ANKFY1: variants seen among roughly 807,000 people sequenced by gnomAD.
The protein encoded by ANKFY1 is ankyrin repeat and FYVE domain containing 1, also known as ankyrin repeat and FYVE domain-containing protein 1.
In ANKFY1, 47 loss-of-function variants were observed where a neutral mutation model predicts 128.3. The ratio of observed to expected loss-of-function variants is 0.37; its 90% CI spans 0.29 to 0.47. The LOEUF (loss-of-function observed/expected upper bound fraction) is 0.47. Ranked by LOEUF, ANKFY1 falls within the 20% of genes least tolerant of loss-of-function variation. ANKFY1 has a pLI of 1.00. For synonymous variants in ANKFY1, 553 were observed against 601.6 expected (o/e 0.92, Z 1.18); for missense variants, 1,222 against 1,510.6 (o/e 0.81, Z 3.17).
chr17:4,195,542 C>G, intron 8 of ANKFY1, 71 bp from the exon 9 acceptor site: 2 of 1,173,650 alleles, frequency 1.7e-6, no homozygotes, highest in Non-Finnish European at 2.5e-6. Context: ...CAAGACGCAA[C>G]CAGAATCCCA....
chr17:4,171,797 T>G (rs2059325238), intron 22 of ANKFY1, among the ~76,000 whole-genome samples: 1 of 152,234 alleles, frequency 6.6e-6, no homozygotes, highest in Admixed American at 6.5e-5. Flanking sequence ...ATAAAATATG[T>G]GGTCCCATGT....
Position 4,170,876 on chromosome 17 carries a change from C to T in ANKFY1, c.3140-15G>A. The T allele has an allele frequency of 6.2e-7, 1 of 1,614,174 alleles. No homozygotes were observed. The highest frequency in any genetic ancestry group is 8.5e-7 in the Non-Finnish European group (1 of 1,180,020). On this transcript the variant is annotated splice_polypyrimidine_tract_variant and intron_variant, in intron 22 of 24. Coordinates refer to ENST00000341657, the MANE Select transcript of ANKFY1 (RefSeq NM_001330063.2). The stretch of plus-strand genomic sequence containing the variant: ...CAGGAGCAGCACTGGAAAACAAAAG[C>T]ACGCGCAGGGCTACTTCCCACCCGG...
chr17:4,220,561 ACT>A (rs1230758093), intron 3 of ANKFY1, among the ~76,000 whole-genome samples: 1 of 152,154 alleles, frequency 6.6e-6, no homozygotes, highest in Non-Finnish European at 1.5e-5. Context: ...TTATCAAAAA[ACT>A]TTTTTAAACT....
At chr17:4,187,365 G>T in intron 11 of ANKFY1, 1 of 398,272 alleles carries the variant, frequency 2.5e-6, no homozygotes, top group East Asian at 3.6e-5. Context: ...CTCCCACTTG[G>T]CTCCAGCCTG....
Position 4,252,926 on chromosome 17 carries a change from G to A in ANKFY1, c.11-10478C>T, listed in dbSNP as rs539371083. Reference sequence around the variant, plus strand: ...TCAAAAGCAATATGCTACGTGAAAGGAGCCAGGCAAAAAAGACTACATACT... The same window carrying A: ...TCAAAAGCAATATGCTACGTGAAAGAAGCCAGGCAAAAAAGACTACATACT... On this transcript the variant is annotated intron_variant, in intron 1 of 24. Transcript: ENST00000341657. Among the ~76,000 whole-genome samples the A allele has an allele frequency of 5.3e-4, 81 of 152,210 alleles. 1 individual carries two copies. The highest frequency in any genetic ancestry group is 1.5e-5 in the Non-Finnish European group (1 of 67,992).
chr17:4,245,805 T>C (rs1050318398), intron 1 of ANKFY1, among the ~76,000 whole-genome samples: 3 of 150,060 alleles, frequency 2.0e-5, no homozygotes, highest in African/African-American at 7.4e-5. Context: ...TCCCAGCACT[T>C]TGGGAGGCTG....
At chr17:4,204,294 C>T (rs188747017) in intron 7 of ANKFY1, among the ~76,000 whole-genome samples, 10 of 152,316 alleles carry the variant, frequency 6.6e-5, no homozygotes, top group African/African-American at 2.2e-4. Context: ...CTAACATTGC[C>T]TCGCATTCTC....
rs147898917 is a variant in ANKFY1 at position 4,257,013 on chromosome 17, T to C, written c.10+6919A>G. On this transcript the variant is annotated intron_variant, in intron 1 of 24. Transcript: ENST00000341657. ...CACTTCCAACTTAGACATCACCACATAGAAGTATACTGGGCAAAGCAAATA... is the reference window on the plus strand; with the variant it reads ...CACTTCCAACTTAGACATCACCACACAGAAGTATACTGGGCAAAGCAAATA... Among the ~76,000 whole-genome samples, 131 of 152,270 alleles carry C rather than the reference T, an allele frequency of 8.6e-4. 3 individuals carry two copies. In the East Asian group the frequency reaches 0.018, roughly 21 times the overall value.
chr17:4,199,553 G>A (rs1476106318), intron 7 of ANKFY1, among the ~76,000 whole-genome samples: 1 of 152,076 alleles, frequency 6.6e-6, no homozygotes, highest in East Asian at 1.9e-4. Context: ...CTGTAGGAGT[G>A]AAAAAAACTA....
chr17:4,170,878 C>A lies in ANKFY1; in HGVS notation c.3140-17G>T. ...GGAGCAGCACTGGAAAACAAAAGCA[C>A]GCGCAGGGCTACTTCCCACCCGGCC... On this transcript the variant is annotated splice_polypyrimidine_tract_variant and intron_variant, in intron 22 of 24. Coordinates refer to ENST00000341657, the MANE Select transcript of ANKFY1 (RefSeq NM_001330063.2). The A allele has an allele frequency of 6.2e-7, 1 of 1,614,144 alleles. No homozygotes were observed. Among genetic ancestry groups the A allele is most frequent in the Non-Finnish European group, 8.5e-7 (1 of 1,180,018 alleles).
rs138184268 is a variant in ANKFY1, at chr17:4,254,685, C to A, written c.10+9247G>T. Among the ~76,000 whole-genome samples, 381 of 152,274 alleles carry A rather than the reference C, an allele frequency of 2.5e-3. 1 individual carries two copies. The highest frequency in any genetic ancestry group is 6.8e-3 in the Middle Eastern group (2 of 294). The stretch of plus-strand genomic sequence containing the variant: ...CACCTATACTTACAAACAAAAAATT[C>A]TGTATAGTAAAAGATTTTAATGCCC... On this transcript the variant is annotated intron_variant, in intron 1 of 24. Coordinates refer to ENST00000341657, the MANE Select transcript of ANKFY1 (RefSeq NM_001330063.2).
chr17:4,253,804 G>C (rs950938491), intron 1 of ANKFY1, among the ~76,000 whole-genome samples: 2 of 152,124 alleles, frequency 1.3e-5, no homozygotes, highest in Admixed American at 1.3e-4. Context: ...ACTGCACACA[G>C]AGGAATTTCA....
chr17:4,241,397 A>G (rs1967213651), intron 2 of ANKFY1, among the ~76,000 whole-genome samples: 1 of 148,708 alleles, frequency 6.7e-6, no homozygotes, highest in Non-Finnish European at 1.5e-5. Flanking sequence ...CTCCTGCCTC[A>G]GCCTCCCGAG....
In ANKFY1 at chr17:4,223,889, C is replaced by CT. The variant is rs746057060; in HGVS notation, c.323-6772dup. ...GGTGCCTGTCATGGATGCTTTGTAT[C>CT]TAACACCACGCCAACAGAAGCACAT... On this transcript the variant is annotated intron_variant, in intron 3 of 24. Transcript: ENST00000341657. 1.8e-4 allele frequency: 128 copies of CT among 712,926 alleles called. 1 individual carries two copies. The highest frequency in any genetic ancestry group is 2.9e-4 in the Non-Finnish European group (123 of 426,158). The allele number at this position is 712,926 out of a possible 1,614,324, so 44.2% of individuals were successfully genotyped here.
rs1197515464 is a variant in ANKFY1 at position 4,258,320 on chromosome 17, T to A, written c.10+5612A>T. On this transcript the variant is annotated intron_variant, in intron 1 of 24. Transcript: ENST00000341657. ...GCGGGCGGATCACGAGGTCAGGAGA[T>A]CAAGACCATCCTTGCTAACACGGTG... Among the ~76,000 whole-genome samples the A allele has an allele frequency of 2.0e-5, 3 of 152,124 alleles. No homozygotes were observed. In the East Asian group the frequency reaches 5.8e-4, roughly 29 times the overall value.
At position 4,183,835 on chromosome 17, in the gene ANKFY1, A is replaced by G. The variant is rs746842717; in HGVS notation, c.1775T>C (p.Val592Ala). 9.5e-5 allele frequency: 154 copies of G among 1,613,590 alleles called. No homozygotes were observed. In the East Asian group the frequency reaches 3.4e-3, roughly 36 times the overall value. ...ACCAGTCCATAATGCCAGGCCCAGCACAGTCTGGTCTCGGGAATCTTTGAG... is the reference window on the plus strand; with the variant it reads ...ACCAGTCCATAATGCCAGGCCCAGCGCAGTCTGGTCTCGGGAATCTTTGAG... The part of the protein sequence containing the change: ...FSLKDSRDQT[V>A]LGLALWTGMH... Residue 592 changes from valine to alanine, a missense_variant, in exon 13 of 25, where the codon GTG (valine) becomes GCG (alanine). Val to Ala is a moderately conservative substitution (Grantham distance 64, BLOSUM62 0). Coordinates refer to ENST00000341657, the MANE Select transcript of ANKFY1 (RefSeq NM_001330063.2).
At chr17:4,202,994 A>G (rs893514671) in intron 7 of ANKFY1, among the ~76,000 whole-genome samples, 1 of 150,394 alleles carries the variant, frequency 6.6e-6, no homozygotes, top group Non-Finnish European at 1.5e-5. Flanking sequence ...ATATATATAT[A>G]TATATATTCA....
intron 1 of ANKFY1, among the ~76,000 whole-genome samples, chr17:4,260,634 A>AG (rs1181444200): frequency 6.6e-6 from 1 of 151,692 alleles, no homozygotes; most frequent in Non-Finnish European, 1.5e-5. Context: ...AAAAAAAAAA[A>AG]AAAAAAAACC....
intron 1 of ANKFY1, among the ~76,000 whole-genome samples, chr17:4,253,155 A>T (rs4790597): frequency 6.6e-6 from 1 of 151,888 alleles, no homozygotes; most frequent in East Asian, 1.9e-4. Context: ...CAGGAGGCAG[A>T]GGATGCAGTG....
Sources: gnomAD v4.1 joint callset for allele counts (sites outside exome capture counted in the v4.1 genomes callset) on GRCh38, gnomAD v4.1.1 for gene constraint, MANE v1.5 for transcripts, NCBI Gene and HGNC (gene_info 2026-07-23, HGNC 2026-07-21) for gene names.